The following PLAAT1 variants were observed in gnomAD, a reference collection of about 807,000 sequenced individuals.
PLAAT1 encodes phospholipase A and acyltransferase 1.
PLAAT1 carries 13 observed loss-of-function variants against 16.4 expected under a neutral mutation model. That is an observed-to-expected ratio of 0.79 (90% CI 0.52 to 1.26). PLAAT1 has a LOEUF of 1.26. Among genes scored for constraint, PLAAT1 ranks in the 50% most tolerant of loss-of-function variants. The pLI is 0.00. For missense variants in PLAAT1, 218 were observed against 207.8 expected (o/e 1.05, Z -0.30); for synonymous variants, 73 against 78.4 (o/e 0.93, Z 0.36).
At chr3:193,278,112 A>G (rs1445269202), downstream of PLAAT1, among the ~76,000 whole-genome samples, 7 of 152,090 alleles carry the variant, frequency 4.6e-5, no homozygotes, top group African/African-American at 1.7e-4. Context: ...CCCTGGAATT[A>G]TTTATTTATG....
At chr3:193,262,844 T>C (rs938123366) in intron 2 of PLAAT1, 126 bp from the exon 3 acceptor site, 4 of 884,166 alleles carry the variant, frequency 4.5e-6, no homozygotes, top group Admixed American at 2.3e-5. Flanking sequence ...TAAATGACTT[T>C]GGTTTGATAA....
chr3:193,275,275 A>C, downstream of PLAAT1: 2 of 1,613,916 alleles, frequency 1.2e-6, no homozygotes, highest in Non-Finnish European at 1.7e-6. Flanking sequence ...ATCAACAGCC[A>C]GAGTTCATGA....
At chr3:193,272,001 A>G (rs1031017880), downstream of PLAAT1, among the ~76,000 whole-genome samples, 1 of 151,954 alleles carries the variant, frequency 6.6e-6, no homozygotes, top group Non-Finnish European at 1.5e-5. Context: ...GTCTCCAGTA[A>G]CCCTCAAAGA....
intron 2 of PLAAT1, among the ~76,000 whole-genome samples, chr3:193,256,156 C>T (rs1174228649): frequency 6.6e-6 from 1 of 152,102 alleles, no homozygotes; most frequent in Non-Finnish European, 1.5e-5. Flanking sequence ...GTTCTGAATG[C>T]TATTCTAAGT....
At chr3:193,253,292 CTT>C (rs756310007) in intron 1 of PLAAT1, among the ~76,000 whole-genome samples, 1 of 151,438 alleles carries the variant, frequency 6.6e-6, no homozygotes, top group Non-Finnish European at 1.5e-5. Context: ...AATCAATTAA[CTT>C]AACAGTTTAT....
intron 3 of PLAAT1, 104 bp from the exon 4 acceptor site, chr3:193,270,500 A>G (rs182480221): frequency 1.0e-6 from 1 of 959,274 alleles, no homozygotes; most frequent in East Asian, 2.5e-5. Context: ...TCCATTGTAC[A>G]TTAAAACAGG....
downstream of PLAAT1, among the ~76,000 whole-genome samples, chr3:193,280,241 G>A (rs1427487962): frequency 1.3e-5 from 2 of 152,016 alleles, no homozygotes; most frequent in Non-Finnish European, 2.9e-5. Context: ...TTTCCATAGA[G>A]ATGGGGTTTC....
Position 193,263,134 on chromosome 3 carries a change from T to C in PLAAT1, c.304T>C (p.Ser102Pro). The part of the protein sequence containing the change: ...PLPVEEIIKR[S>P]EFVIGQEVAY... ...CCCTGTGGAAGAAATCATAAAGCGG[T>C]CAGAGTTTGTAATTGGACAGGAGGT... Residue 102 changes from serine (S) to proline (P), a missense_variant, in exon 3 of 4, where the codon TCA (serine) becomes CCA (proline). Coordinates refer to ENST00000264735, the MANE Select transcript of PLAAT1 (RefSeq NM_020386.5). The C allele has an allele frequency of 3.1e-6, 5 of 1,614,154 alleles. No individual in the cohort carries two copies. The South Asian group carries it at 4.4e-5, about 14-fold the overall frequency.
chr3:193,276,764 CCA>C, intron 2 of PLAAT1: 1 of 1,609,736 alleles, frequency 6.2e-7, no homozygotes, highest in African/African-American at 1.3e-5. Context: ...ACAAAGAAAG[CCA>C]CACAGAATTG....
chr3:193,263,829 G>T (rs1301438029), intron 3 of PLAAT1, among the ~76,000 whole-genome samples: 1 of 152,066 alleles, frequency 6.6e-6, no homozygotes, highest in African/African-American at 2.4e-5. Context: ...ATTTTTGTCA[G>T]TTACTACCAT....
Position 193,258,507 on chromosome 3 carries a change from A to G in PLAAT1, c.139+2718A>G, listed in dbSNP as rs562331220. Among the ~76,000 whole-genome samples, 51 of 152,234 alleles carry G rather than the reference A, an allele frequency of 3.4e-4. 2 individuals carry two copies. The South Asian group carries it at 0.01, about 31-fold the overall frequency. ...AAGGATAAATGATTGATAGATTGCT[A>G]TCTAAATTAACAAAGGAAAAAAGAT... is the stretch of plus-strand genomic sequence containing the variant. On this transcript the variant is annotated intron_variant, in intron 2 of 3. Transcript: ENST00000264735.
chr3:193,240,704 C>G (rs915921609), upstream of PLAAT1, among the ~76,000 whole-genome samples: 29 of 128,236 alleles, frequency 2.3e-4, no homozygotes, highest in African/African-American at 8.2e-4. Flanking sequence ...TCTCTGCTGG[C>G]TATCTGGCGT....
upstream of PLAAT1, chr3:193,241,129 CGG>C: frequency 1.1e-6 from 1 of 877,848 alleles, no homozygotes; most frequent in African/African-American, 3.9e-5. Flanking sequence ...GGCGGGCGGG[CGG>C]GCGGGCGGGC....
At chr3:193,270,917 G>A, downstream of PLAAT1, 1 of 1,034,364 alleles carries the variant, frequency 9.7e-7, no homozygotes, top group Non-Finnish European at 1.2e-6. Flanking sequence ...AGCTTGAACG[G>A]AGAAGCAGTA....
At chr3:193,271,187 AG>A (rs1229078828), downstream of PLAAT1, among the ~76,000 whole-genome samples, 2 of 152,164 alleles carry the variant, frequency 1.3e-5, no homozygotes, top group East Asian at 3.9e-4. Flanking sequence ...CTAATTTACA[AG>A]CCTTTTGGGG....
At chr3:193,255,509 A>T in intron 1 of PLAAT1, 142 bp from the exon 2 acceptor site, 1 of 729,456 alleles carries the variant, frequency 1.4e-6, no homozygotes, top group Non-Finnish European at 2.1e-6. Context: ...TTCAAAGAAA[A>T]GGACAGGGTC....
chr3:193,273,917 A>G (rs1293761765), downstream of PLAAT1, among the ~76,000 whole-genome samples: 1 of 152,130 alleles, frequency 6.6e-6, no homozygotes, highest in African/African-American at 2.4e-5. Flanking sequence ...TGTTTTTAAG[A>G]TGAGTAATGT....
At chr3:193,241,838 A>G (rs1435566026) in intron 1 of PLAAT1, among the ~76,000 whole-genome samples, 1 of 152,186 alleles carries the variant, frequency 6.6e-6, no homozygotes, top group Non-Finnish European at 1.5e-5. Context: ...GGATTTTGGA[A>G]AGTTGGATGG....
intron 1 of PLAAT1, among the ~76,000 whole-genome samples, chr3:193,252,627 C>T (rs2108785910): frequency 6.6e-6 from 1 of 152,234 alleles, no homozygotes; most frequent in South Asian, 2.1e-4. Context: ...AACTCTTTGT[C>T]TACCCTAGAC....
Sources: gnomAD v4.1 joint callset for allele counts (sites outside exome capture counted in the v4.1 genomes callset) on GRCh38, gnomAD v4.1.1 for gene constraint, MANE v1.5 for transcripts, NCBI Gene and HGNC (gene_info 2026-07-23, HGNC 2026-07-21) for gene names.